Variants in NEBL observed in about 807,000 individuals in gnomAD.
The protein encoded by NEBL is LIM and SH3 protein 2.
NEBL carries 122 observed loss-of-function variants against 140.2 expected under a neutral mutation model. That is an observed-to-expected ratio of 0.87 (90% CI 0.75 to 1.01). The LOEUF is 1.01. NEBL is among the 50% of genes least tolerant of loss of function. The probability of loss-of-function intolerance (pLI) is 0.00; values close to 1 mark genes in which losing one functional copy is unlikely to be tolerated. For missense variants in NEBL, 1,365 were observed against 1,231.3 expected (o/e 1.11, Z -1.62); for synonymous variants, 436 against 398.9 (o/e 1.09, Z -1.11).
intron 7 of NEBL, among the ~76,000 whole-genome samples, chr10:20,867,112 C>A (rs1588876978): frequency 6.6e-6 from 1 of 152,142 alleles, no homozygotes; most frequent in East Asian, 1.9e-4. Flanking sequence ...AAAAACTATT[C>A]TCAGACACAT....
chr10:21,052,621 T>C (rs1177431371), intron 2 of NEBL, among the ~76,000 whole-genome samples: 3 of 152,120 alleles, frequency 2.0e-5, no homozygotes, highest in South Asian at 2.1e-4. Context: ...GCAAAGTCTG[T>C]AGAGATGCTA....
chr10:21,049,796 G>C (rs1222756411), intron 2 of NEBL, among the ~76,000 whole-genome samples: 3 of 152,184 alleles, frequency 2.0e-5, no homozygotes, highest in Non-Finnish European at 4.4e-5. Flanking sequence ...CTCTAATGTG[G>C]AGAGAGGAAG....
chr10:21,093,349 G>A (rs1195761487), intron 2 of NEBL, among the ~76,000 whole-genome samples: 1 of 151,760 alleles, frequency 6.6e-6, no homozygotes, highest in African/African-American at 2.4e-5. Flanking sequence ...AAATTTTATA[G>A]GTGAGAAAAA....
chr10:21,089,286 G>C (rs549194960), intron 2 of NEBL, among the ~76,000 whole-genome samples: 1 of 152,254 alleles, frequency 6.6e-6, no homozygotes, highest in East Asian at 1.9e-4. Flanking sequence ...GCCACACAGG[G>C]CACAGCTGGA....
At chr10:20,955,512 C>G (rs991121057) in intron 4 of NEBL, among the ~76,000 whole-genome samples, 3 of 151,892 alleles carry the variant, frequency 2.0e-5, no homozygotes, top group Non-Finnish European at 4.4e-5. Flanking sequence ...GTAGGCAGGC[C>G]TAAAAGAAAT....
intron 26 of NEBL, among the ~76,000 whole-genome samples, chr10:20,794,306 T>C (rs1564329961): frequency 1.3e-5 from 2 of 151,188 alleles, no homozygotes; most frequent in Non-Finnish European, 3.0e-5. Flanking sequence ...AATAATCAAT[T>C]CTCCTCTTCT....
At chr10:21,146,565 C>G in intron 2 of NEBL, 6 of 1,337,888 alleles carry the variant, frequency 4.5e-6, no homozygotes, top group Non-Finnish European at 6.2e-6. Context: ...GGCATTGTTA[C>G]CTTGGAACTT....
intron 4 of NEBL, 26 bp downstream of exon 4, chr10:20,888,071 C>A: frequency 6.8e-7 from 1 of 1,461,398 alleles, no homozygotes; most frequent in South Asian, 1.1e-5. Context: ...TCTACAAAAT[C>A]ATGAAACACT....
At chr10:20,970,476 T>TC (rs1014781754) in intron 3 of NEBL, among the ~76,000 whole-genome samples, 1 of 149,604 alleles carries the variant, frequency 6.7e-6, no homozygotes. Context: ...TTGTCTCTGC[T>TC]CCCCCCACCA....
intron 3 of NEBL, among the ~76,000 whole-genome samples, chr10:21,018,683 C>A (rs929283480): frequency 6.6e-6 from 1 of 152,146 alleles, no homozygotes; most frequent in South Asian, 2.1e-4. Context: ...ATTAGATACA[C>A]CATCAAGGAA....
chr10:20,912,370 T>C (rs1188173120), intron 4 of NEBL, among the ~76,000 whole-genome samples: 1 of 152,184 alleles, frequency 6.6e-6, no homozygotes, highest in East Asian at 1.9e-4. Context: ...GAGGATCACT[T>C]GAGCCTAGGA....
At chr10:20,886,947 T>C (rs1164284659) in intron 4 of NEBL, among the ~76,000 whole-genome samples, 1 of 152,224 alleles carries the variant, frequency 6.6e-6, no homozygotes, top group Non-Finnish European at 1.5e-5. Flanking sequence ...GCACTCTCTA[T>C]GTGCCAGGAA....
intron 26 of NEBL, among the ~76,000 whole-genome samples, chr10:20,789,034 T>C (rs1481187421): frequency 6.6e-6 from 1 of 152,200 alleles, no homozygotes; most frequent in East Asian, 1.9e-4. Flanking sequence ...GTTCAAGGCA[T>C]GCCAGGAAGA....
intron 3 of NEBL, among the ~76,000 whole-genome samples, chr10:20,978,692 C>T (rs536445889): frequency 7.3e-5 from 11 of 151,704 alleles, no homozygotes; most frequent in Middle Eastern, 3.4e-3. Flanking sequence ...GAGTTTGAGG[C>T]TGCAGTGAGC....
At chr10:20,976,108 G>A (rs183962415) in intron 3 of NEBL, among the ~76,000 whole-genome samples, 2 of 152,094 alleles carry the variant, frequency 1.3e-5, no homozygotes, top group East Asian at 1.9e-4. Context: ...GCCAAGGGAG[G>A]CAAATCACTT....
intron 20 of NEBL, among the ~76,000 whole-genome samples, 164 bp from the exon 21 acceptor site, chr10:20,817,856 G>C (rs938859458): frequency 3.3e-5 from 5 of 152,160 alleles, no homozygotes; most frequent in Non-Finnish European, 5.9e-5. Context: ...CGATGGGTCT[G>C]ATTTAGCAAG....
Position 20,795,581 on chromosome 10 carries a change from T to C in NEBL, c.2762-8273A>G, listed in dbSNP as rs1012970883. Among the ~76,000 whole-genome samples, 8 of 152,222 alleles carry C rather than the reference T, an allele frequency of 5.3e-5. No homozygotes were observed. The South Asian group carries it at 1.7e-3, about 32-fold the overall frequency. On this transcript the variant is annotated intron_variant, in intron 26 of 27. Transcript: ENST00000377122. The stretch of plus-strand genomic sequence containing the variant: ...TGCAATGTGTGTGTGTGTGTGTATG[T>C]CAGATTAATTTTTCTTTTTCCCATT...
At chr10:20,899,318 T>C, upstream of NEBL, 2 of 1,066,444 alleles carry the variant, frequency 1.9e-6, no homozygotes, top group Non-Finnish European at 2.6e-6. Flanking sequence ...TTTTGGCTCA[T>C]ATTTGAGGAG....
At chr10:21,273,026 A>G (rs577339876) in intron 1 of NEBL, among the ~76,000 whole-genome samples, 30 of 152,302 alleles carry the variant, frequency 2.0e-4, no homozygotes, top group African/African-American at 6.7e-4. Flanking sequence ...ATCTAGGTAC[A>G]GGAAAGAGGA....
Sources: gnomAD v4.1 joint callset for allele counts (sites outside exome capture counted in the v4.1 genomes callset) on GRCh38, gnomAD v4.1.1 for gene constraint, MANE v1.5 for transcripts, NCBI Gene and HGNC (gene_info 2026-07-23, HGNC 2026-07-21) for gene names.